Variants in ELOVL7 observed in about 807,000 individuals in gnomAD.
ELOVL7 encodes ELOVL fatty acid elongase 7, also known as very long chain fatty acid elongase 7.
In ELOVL7, 27 loss-of-function variants were observed where a neutral mutation model predicts 35.7. That is an observed-to-expected ratio of 0.76 (90% CI 0.56 to 1.04). The LOEUF (loss-of-function observed/expected upper bound fraction) is 1.04, where lower values mean the gene tolerates loss of function less well. Among genes scored for constraint, ELOVL7 ranks in the 50% least tolerant of loss-of-function variants. The pLI, the probability that ELOVL7 is intolerant of heterozygous loss-of-function variation, is 0.00. For missense variants in ELOVL7, 327 were observed against 340.8 expected (o/e 0.96, Z 0.32); for synonymous variants, 113 against 114.6 (o/e 0.99, Z 0.09).
chr5:60,764,106 T>C (rs1184808696), intron 7 of ELOVL7, 121 bp downstream of exon 7: 1 of 703,304 alleles, frequency 1.4e-6, no homozygotes, highest in Non-Finnish European at 2.5e-6. Context: ...GAAATAAGTA[T>C]AAACAAAGTG....
intron 1 of ELOVL7, among the ~76,000 whole-genome samples, chr5:60,828,023 C>G (rs1046039709): frequency 6.6e-6 from 1 of 152,110 alleles, no homozygotes; most frequent in African/African-American, 2.4e-5. Flanking sequence ...ACCCCTAGTT[C>G]CCTCTCCCCT....
intron 1 of ELOVL7, among the ~76,000 whole-genome samples, chr5:60,822,528 T>A (rs1365797932): frequency 3.9e-5 from 6 of 152,228 alleles, no homozygotes; most frequent in Non-Finnish European, 8.8e-5. Context: ...CAGAGATAGT[T>A]TGGTAAAGTA....
intron 3 of ELOVL7, chr5:60,784,100 T>C (rs1743422629): frequency 1.4e-6 from 2 of 1,434,834 alleles, no homozygotes; most frequent in Non-Finnish European, 1.9e-6. Context: ...ATACATAGAA[T>C]ATTAATGGGC....
intron 7 of ELOVL7, among the ~76,000 whole-genome samples, chr5:60,761,258 A>C (rs780557408): frequency 3.9e-5 from 6 of 152,184 alleles, no homozygotes; most frequent in Admixed American, 2.6e-4. Context: ...TATCTCTGGA[A>C]GGGGATATAT....
chr5:60,809,824 C>T (rs1459025599), intron 1 of ELOVL7, among the ~76,000 whole-genome samples: 1 of 151,636 alleles, frequency 6.6e-6, no homozygotes, highest in Non-Finnish European at 1.5e-5. Flanking sequence ...TTTTTTTTCT[C>T]CAGGTGGTGA....
intron 1 of ELOVL7, among the ~76,000 whole-genome samples, chr5:60,834,214 T>TAACTGCAAGCTCTGCCTCCCAG (rs1320375043): frequency 6.6e-6 from 1 of 152,158 alleles, no homozygotes; most frequent in Non-Finnish European, 1.5e-5. Flanking sequence ...TGATCTCGGC[T>TAACTGCAAGCTCTGCCTCCCAG]AACTGCAAGC....
chr5:60,808,163 C>A, intron 1 of ELOVL7, among the ~76,000 whole-genome samples: 2 of 150,718 alleles, frequency 1.3e-5, no homozygotes, highest in African/African-American at 2.4e-5. Flanking sequence ...AGAAGAAAAC[C>A]TGAAGTGTTC....
intron 1 of ELOVL7, among the ~76,000 whole-genome samples, chr5:60,819,966 T>C (rs547075550): frequency 2.0e-5 from 3 of 152,334 alleles, no homozygotes; most frequent in East Asian, 1.9e-4. Context: ...TGGAATATCA[T>C]GTTGGGCCCG....
intron 1 of ELOVL7, among the ~76,000 whole-genome samples, chr5:60,821,354 G>A (rs542030915): frequency 1.1e-4 from 16 of 152,290 alleles, no homozygotes; most frequent in African/African-American, 3.4e-4. Context: ...TTCGCTGAAC[G>A]AATGATCTCA....
chr5:60,805,959 C>G (rs1744899632), intron 1 of ELOVL7, among the ~76,000 whole-genome samples: 1 of 152,206 alleles, frequency 6.6e-6, no homozygotes, highest in Non-Finnish European at 1.5e-5. Context: ...GTCTTCCCAA[C>G]ATTGTATGTT....
At chr5:60,802,386 T>A (rs1744698252) in intron 1 of ELOVL7, among the ~76,000 whole-genome samples, 1 of 152,082 alleles carries the variant, frequency 6.6e-6, no homozygotes. Context: ...GCTTCATAAA[T>A]CATTCTCAGA....
Position 60,835,114 on chromosome 5 carries a change from C to T in ELOVL7, c.-86+9046G>A, listed in dbSNP as rs370736111. On this transcript the variant is annotated intron_variant, in intron 1 of 8. Coordinates refer to ENST00000508821, the MANE Select transcript of ELOVL7 (RefSeq NM_024930.3). ...CTGAAGTGGGAGGATCAATTGAGCC[C>T]GGGAGGTGGAGGTTGCAGCGAGCTG... Among the ~76,000 whole-genome samples the T allele has an allele frequency of 1.7e-4, 25 of 147,614 alleles. No individual in the cohort carries two copies. In the South Asian group the frequency reaches 3.7e-3, roughly 22 times the overall value.
chr5:60,780,860 A>G (rs955054406), intron 3 of ELOVL7, among the ~76,000 whole-genome samples: 1 of 152,224 alleles, frequency 6.6e-6, no homozygotes, highest in African/African-American at 2.4e-5. Context: ...CTACAGTTCA[A>G]GATGAGATTC....
intron 1 of ELOVL7, among the ~76,000 whole-genome samples, chr5:60,818,617 G>A (rs1284947550): frequency 1.3e-5 from 2 of 152,060 alleles, no homozygotes; most frequent in East Asian, 1.9e-4. Flanking sequence ...AACTTGGTAC[G>A]GGGCTTGAAG....
chr5:60,767,972 G>C, intron 4 of ELOVL7, 69 bp from the exon 5 acceptor site: 1 of 1,201,018 alleles, frequency 8.3e-7, no homozygotes, highest in Non-Finnish European at 1.2e-6. Context: ...AGGTAGTTTT[G>C]ATAGTGTCTC....
At chr5:60,798,433 A>G (rs1434763617) in intron 2 of ELOVL7, among the ~76,000 whole-genome samples, 1 of 152,204 alleles carries the variant, frequency 6.6e-6, no homozygotes, top group Non-Finnish European at 1.5e-5. Context: ...TTACCTTGAT[A>G]CTACAGAAGC....
intron 2 of ELOVL7, among the ~76,000 whole-genome samples, chr5:60,790,190 A>T (rs922307566): frequency 6.6e-6 from 1 of 152,094 alleles, no homozygotes; most frequent in East Asian, 1.9e-4. Flanking sequence ...AAAAATGATG[A>T]CCTTGTATAT....
chr5:60,762,373 T>C (rs755637533), intron 7 of ELOVL7, among the ~76,000 whole-genome samples: 1 of 151,902 alleles, frequency 6.6e-6, no homozygotes, highest in African/African-American at 2.4e-5. Flanking sequence ...CTGCTTGCTT[T>C]TGAAATGGAA....
rs180774675 is a variant in ELOVL7, at chr5:60,781,012, C to A, written c.64+6322G>T. ...ATCGCTTGAGGTCAGGAGTTTGAGA[C>A]CAGCCTGGCCAACATGGTGAAACCC... On this transcript the variant is annotated intron_variant, in intron 3 of 8. Coordinates refer to ENST00000508821, the MANE Select transcript of ELOVL7 (RefSeq NM_024930.3). Among the ~76,000 whole-genome samples, 665 of 152,288 alleles carry A rather than the reference C, an allele frequency of 4.4e-3. 4 individuals are homozygous for A. Among genetic ancestry groups the A allele is most frequent in the African/African-American group, 0.015 (616 of 41,556 alleles).
Sources: gnomAD v4.1 joint callset for allele counts (sites outside exome capture counted in the v4.1 genomes callset) on GRCh38, gnomAD v4.1.1 for gene constraint, MANE v1.5 for transcripts, NCBI Gene and HGNC (gene_info 2026-07-23, HGNC 2026-07-21) for gene names.